The following SLC25A53 variants were observed in gnomAD, a reference collection of about 807,000 sequenced individuals.
SLC25A53 encodes solute carrier family 25 member 53, also known as mitochondrial carrier triple repeat protein 6.
In SLC25A53, 5 loss-of-function variants were observed where a neutral mutation model predicts 15.0. That is an observed-to-expected ratio of 0.33 (90% CI 0.17 to 0.70). The LOEUF is 0.70. SLC25A53 is among the 30% of genes least tolerant of loss of function. The pLI, the probability that SLC25A53 is intolerant of heterozygous loss-of-function variation, is 0.67. For missense variants in SLC25A53, 216 were observed against 241.6 expected, an observed-to-expected ratio of 0.89 and a Z score of 0.70; for synonymous variants, 95 against 100.0, an observed-to-expected ratio of 0.95 and a Z score of 0.30.
At position 104,105,199 on chromosome X, in the gene SLC25A53, G is replaced by T. The variant is rs2075302741; in HGVS notation, c.59C>A (p.Ala20Asp). The change falls in exon 2 of 2, where the codon GCT (alanine) becomes GAT (aspartate). Residue 20 changes from alanine to aspartate, a missense_variant. Transcript: ENST00000594199. ...GGAATGCCAGCTTTTCTTTCCTGGA[G>T]CCTCTGCTCGCGTCCTGTGCTGAAG... is the stretch of plus-strand genomic sequence containing the variant. ...KELQHRTRAEAPGKKSWHSQA... is the reference protein window; with the variant it reads ...KELQHRTRAEDPGKKSWHSQA... The T allele has an allele frequency of 3.3e-6, 4 of 1,211,898 alleles. No individual in the cohort carries two copies. Among genetic ancestry groups the T allele is most frequent in the Non-Finnish European group, 4.5e-6 (4 of 895,455 alleles).
chrX:104,155,472 T>G (rs1205890493), intron 1 of SLC25A53, among the ~76,000 whole-genome samples: 1 of 111,504 alleles, frequency 9.0e-6, no homozygotes, highest in Non-Finnish European at 1.9e-5. Context: ...CTGATTCTGA[T>G]TCACAGGAAA....
chrX:104,123,277 G>A (rs2075400354), intron 1 of SLC25A53, among the ~76,000 whole-genome samples: 1 of 112,785 alleles, frequency 8.9e-6, no homozygotes, highest in South Asian at 3.6e-4. Context: ...AATTCTCTCA[G>A]GAACTGCCCT....
chrX:104,118,191 T>C (rs1163905480), intron 1 of SLC25A53, among the ~76,000 whole-genome samples: 4 of 112,477 alleles, frequency 3.6e-5, no homozygotes, highest in African/African-American at 1.3e-4. Context: ...ACCCTTCATT[T>C]ATAATTATTG....
chrX:104,138,394 G>T (rs1025386319), intron 1 of SLC25A53, among the ~76,000 whole-genome samples: 2 of 112,617 alleles, frequency 1.8e-5, no homozygotes, highest in African/African-American at 6.4e-5. Flanking sequence ...GTGCAATGGG[G>T]GGTGTAGCTC....
At chrX:104,131,187 T>C (rs2075424863) in intron 1 of SLC25A53, 1 of 112,129 alleles carries the variant, frequency 8.9e-6, no homozygotes, top group African/African-American at 3.2e-5. Context: ...CTCCATTTGA[T>C]TTCTCCAGCA....
intron 1 of SLC25A53, among the ~76,000 whole-genome samples, chrX:104,145,697 T>C (rs1480173895): frequency 1.8e-5 from 2 of 112,289 alleles, no homozygotes; most frequent in Non-Finnish European, 3.8e-5. Context: ...GCAAATAAAC[T>C]AGAAAATCTA....
chrX:104,156,257 C>A (rs2075500778), intron 1 of SLC25A53, among the ~76,000 whole-genome samples: 1 of 110,930 alleles, frequency 9.0e-6, no homozygotes, highest in South Asian at 3.9e-4. Flanking sequence ...CAGATCTCAA[C>A]TCCCAGATGA....
intron 1 of SLC25A53, among the ~76,000 whole-genome samples, chrX:104,111,890 G>A (rs1309501193): frequency 8.9e-6 from 1 of 112,021 alleles, no homozygotes; most frequent in Non-Finnish European, 1.9e-5. Flanking sequence ...GCAATCCCAA[G>A]TTGGTCCTCC....
Position 104,105,217 on chromosome X carries a change from T to C in SLC25A53, c.41A>G (p.His14Arg), listed in dbSNP as rs143540206. 219 of 1,209,522 alleles carry C rather than the reference T, an allele frequency of 1.8e-4. No individual in the cohort carries two copies. Among genetic ancestry groups the C allele is most frequent in the Non-Finnish European group, 2.3e-4 (209 of 894,597 alleles). Residue 14 changes from histidine (H) to arginine (R), a missense_variant, in exon 2 of 2, where the codon CAC becomes CGC. Coordinates refer to ENST00000594199, the MANE Select transcript of SLC25A53 (RefSeq NM_001012755.5). ...QNHSPGKELQ[H>R]RTRAEAPGKK... ...TCCTGGAGCCTCTGCTCGCGTCCTG[T>C]GCTGAAGCTCCTTCCCGGGAGAGTG...
At chrX:104,114,170 C>G (rs2075363927) in intron 1 of SLC25A53, 1 of 1,208,349 alleles carries the variant, frequency 8.3e-7, no homozygotes, top group Non-Finnish European at 1.1e-6. Context: ...CCTTTGCCGC[C>G]TTGGGCCCAT....
At chrX:104,148,301 T>C (rs1246931057) in intron 1 of SLC25A53, among the ~76,000 whole-genome samples, 1 of 104,330 alleles carries the variant, frequency 9.6e-6, no homozygotes, top group African/African-American at 3.6e-5. Context: ...GGGACTGTTG[T>C]AGGGTGGGAG....
intron 1 of SLC25A53, among the ~76,000 whole-genome samples, chrX:104,116,122 G>C (rs2075376248): frequency 9.1e-6 from 1 of 109,529 alleles, no homozygotes; most frequent in Non-Finnish European, 1.9e-5. Flanking sequence ...GGGGAACGGG[G>C]GGGGGACAAA....
chrX:104,133,383 T>C (rs868960227), intron 1 of SLC25A53, among the ~76,000 whole-genome samples: 5 of 111,499 alleles, frequency 4.5e-5, no homozygotes, highest in African/African-American at 9.8e-5. Flanking sequence ...CCAGCTGTAC[T>C]GCAACCATGT....
At chrX:104,127,762 G>A (rs2075414957) in intron 1 of SLC25A53, among the ~76,000 whole-genome samples, 2 of 111,635 alleles carry the variant, frequency 1.8e-5, no homozygotes, top group African/African-American at 6.5e-5. Context: ...TCAGGAGTTC[G>A]AGACCAGCCT....
Position 104,099,515 on chromosome X carries a change from T to G in SLC25A53, c.*4819A>C, listed in dbSNP as rs1157121014. 8.9e-6 allele frequency: 1 copy of G among 111,903 alleles called. No individual in the cohort carries two copies. The highest frequency in any genetic ancestry group is 3.2e-5 in the African/African-American group (1 of 30,776). The allele number at this position is 111,903 out of a possible 1,213,427, so 9.2% of individuals were successfully genotyped here. ...TATACAATGGTAAACTGTACAACAA[T>G]AAAAATGGATCAACTACAGCTATCT... On this transcript the variant is annotated 3_prime_UTR_variant, in exon 2 of 2. Coordinates refer to ENST00000594199, the MANE Select transcript of SLC25A53 (RefSeq NM_001012755.5).
chrX:104,121,417 T>C (rs1029926169), intron 1 of SLC25A53, among the ~76,000 whole-genome samples: 1 of 111,255 alleles, frequency 9.0e-6, no homozygotes, highest in African/African-American at 3.3e-5. Context: ...ATGTGAACGA[T>C]TATTTCCTGA....
chrX:104,146,197 C>T (rs1489166447), intron 1 of SLC25A53, among the ~76,000 whole-genome samples: 3 of 111,870 alleles, frequency 2.7e-5, no homozygotes, highest in Admixed American at 1.9e-4. Flanking sequence ...ACAGAAAAAA[C>T]GACAAAAACC....
chrX:104,151,511 G>GA, intron 1 of SLC25A53, among the ~76,000 whole-genome samples: 1 of 111,423 alleles, frequency 9.0e-6, no homozygotes, highest in East Asian at 2.8e-4. Context: ...CCATTCCAAA[G>GA]AAAAAACCGA....
chrX:104,112,716 C>T (rs2075354407), intron 1 of SLC25A53: 4 of 113,251 alleles, frequency 3.5e-5, no homozygotes, highest in Middle Eastern at 4.6e-3. Flanking sequence ...CGGCAGAGAT[C>T]CCGTTCCCCT....
Sources: allele counts gnomAD v4.1 joint callset (sites outside exome capture counted in the v4.1 genomes callset), GRCh38; gene constraint gnomAD v4.1.1; transcripts MANE v1.5; gene names NCBI Gene and HGNC (gene_info 2026-07-23, HGNC 2026-07-21).